CRTC1: variants seen among roughly 807,000 people sequenced by gnomAD.
CRTC1 encodes the protein CREB-regulated transcription coactivator 1.
Under a neutral mutation model 66.1 loss-of-function variants are expected in CRTC1, and 18 were observed. That is an observed-to-expected ratio of 0.27 (90% CI 0.19 to 0.40). The LOEUF (loss-of-function observed/expected upper bound fraction) is 0.40, where lower values mean the gene tolerates loss of function less well. CRTC1 is among the 10% of genes least tolerant of loss of function. CRTC1 has a pLI of 1.00. For missense variants in CRTC1, 669 were observed against 887.9 expected, an observed-to-expected ratio of 0.75 and a Z score of 3.13; for synonymous variants, 416 against 398.8, an observed-to-expected ratio of 1.04 and a Z score of -0.51.
At position 18,771,605 on chromosome 19, in the gene CRTC1, C is replaced by A; in HGVS notation, c.1425+59C>A. The A allele has an allele frequency of 1.5e-6, 2 of 1,297,226 alleles. No homozygotes were observed. Among genetic ancestry groups the A allele is most frequent in the East Asian group, 2.5e-5 (1 of 40,416 alleles). 80.4% of individuals were successfully genotyped at this position (1,297,226 alleles called of 1,614,324 possible). ...CTCCACGCTTGTCTTGTTCATGCCC[C>A]GTGTGTTCCCTGCCCACTGTCTGTC... On this transcript the variant is annotated intron_variant, in intron 11 of 13. Transcript: ENST00000321949. This position sits in a 1 kb window ranked among gnomAD's most constrained non-coding sequence, Gnocchi z 4.6.
chr19:18,751,920 G>C (rs751736193), intron 5 of CRTC1, among the ~76,000 whole-genome samples: 3 of 152,082 alleles, frequency 2.0e-5, no homozygotes, highest in Non-Finnish European at 4.4e-5. Context: ...AACACTTCGG[G>C]AGAGAGGCTG....
chr19:18,686,367 G>A (rs1320442880), intron 1 of CRTC1, among the ~76,000 whole-genome samples: 1 of 152,192 alleles, frequency 6.6e-6, no homozygotes, highest in Non-Finnish European at 1.5e-5. Flanking sequence ...AAATTCTGAG[G>A]CCAAGTGCAG....
At chr19:18,695,240 C>G (rs1174867524) in intron 1 of CRTC1, among the ~76,000 whole-genome samples, 2 of 151,782 alleles carry the variant, frequency 1.3e-5, no homozygotes, top group Admixed American at 6.6e-5. Flanking sequence ...CTCCTGGTCT[C>G]GAGACCTGCC....
chr19:18,687,115 A>C (rs1218321964), intron 1 of CRTC1, among the ~76,000 whole-genome samples: 4 of 146,182 alleles, frequency 2.7e-5, no homozygotes, highest in Non-Finnish European at 5.9e-5. Flanking sequence ...TCCCGAGTTC[A>C]AGTGATTCTC....
intron 1 of CRTC1, among the ~76,000 whole-genome samples, chr19:18,695,246 C>T (rs1396636190): frequency 6.6e-6 from 1 of 151,946 alleles, no homozygotes; most frequent in Non-Finnish European, 1.5e-5. Flanking sequence ...GTCTCGAGAC[C>T]TGCCCGCCTT....
chr19:18,764,168 C>T (rs1037650949), intron 8 of CRTC1, among the ~76,000 whole-genome samples: 4 of 152,218 alleles, frequency 2.6e-5, no homozygotes, highest in Non-Finnish European at 2.9e-5. Context: ...CGGCGCTTGT[C>T]GGGTGTGTTC....
chr19:18,713,759 G>T (rs189056250), intron 1 of CRTC1, among the ~76,000 whole-genome samples: 1 of 152,378 alleles, frequency 6.6e-6, no homozygotes, highest in East Asian at 1.9e-4. Context: ...AGTATATGAA[G>T]TGGCGTGCCC....
At chr19:18,705,405 C>T (rs1389399474) in intron 1 of CRTC1, among the ~76,000 whole-genome samples, 1 of 152,214 alleles carries the variant, frequency 6.6e-6, no homozygotes, top group African/African-American at 2.4e-5. Context: ...ACCACATCCT[C>T]TGCCTCCTGG....
At position 18,703,947 on chromosome 19, in the gene CRTC1, T is replaced by G. The variant is rs143074077; in HGVS notation, c.126+20119T>G. On this transcript the variant is annotated intron_variant, in intron 1 of 13. Transcript: ENST00000321949. ...CTCCTTTGATTCCTCCAATCTGTGATGGTTCCTCAATGTCTCCTCATCATC... is the reference window on the plus strand; with the variant it reads ...CTCCTTTGATTCCTCCAATCTGTGAGGGTTCCTCAATGTCTCCTCATCATC... Among the ~76,000 whole-genome samples, 757 of 152,286 alleles carry G rather than the reference T, an allele frequency of 5.0e-3. 7 individuals are homozygous for G. Among genetic ancestry groups the G allele is most frequent in the African/African-American group, 0.017 (697 of 41,554 alleles).
Position 18,745,939 on chromosome 19 carries a change from A to C in CRTC1, c.360A>C (p.Ser120=), listed in dbSNP as rs1225136613. 6.2e-7 allele frequency: 1 copy of C among 1,612,006 alleles called. No homozygotes were observed. Among genetic ancestry groups the C allele is most frequent in the African/African-American group, 1.3e-5 (1 of 74,900 alleles). ...GCTCCCCACACCGCCGGCCCCTGTCAGTGGACAAACACGGACGGCAGATAT... is the reference window on the plus strand; with the variant it reads ...GCTCCCCACACCGCCGGCCCCTGTCCGTGGACAAACACGGACGGCAGATAT... ...RLGSPHRRPL[S]VDKHGRQADS... is the part of the protein sequence containing the mutation. Residue 120 remains serine (S), a synonymous_variant, in exon 3 of 14, where the codon TCA becomes TCC. Coordinates refer to ENST00000321949, the MANE Select transcript of CRTC1 (RefSeq NM_015321.3).
chr19:18,726,118 G>A (rs911396723), intron 1 of CRTC1, among the ~76,000 whole-genome samples: 26 of 152,244 alleles, frequency 1.7e-4, no homozygotes, highest in Non-Finnish European at 2.9e-4. Context: ...ACATCTTTGC[G>A]CATAAATCTG....
At chr19:18,727,471 T>C (rs997233663) in intron 1 of CRTC1, among the ~76,000 whole-genome samples, 7 of 145,936 alleles carry the variant, frequency 4.8e-5, no homozygotes, top group Non-Finnish European at 7.5e-5. Flanking sequence ...GTCCCAGCTA[T>C]GTGGGAGGCT....
chr19:18,755,133 C>A (rs534282307), intron 6 of CRTC1, among the ~76,000 whole-genome samples: 1 of 151,494 alleles, frequency 6.6e-6, no homozygotes, highest in African/African-American at 2.4e-5. Flanking sequence ...GGGTCACAGG[C>A]GTGTGCCACC....
chr19:18,741,424 C>T lies in CRTC1; in HGVS notation c.127-1486C>T, dbSNP rs1217907226. Among the ~76,000 whole-genome samples the T allele has an allele frequency of 6.6e-6, 1 of 152,206 alleles. No individual in the cohort carries two copies. Among genetic ancestry groups the T allele is most frequent in the African/African-American group, 2.4e-5 (1 of 41,436 alleles). On this transcript the variant is annotated intron_variant, in intron 1 of 13. Transcript: ENST00000321949. This position sits in a 1 kb window ranked among gnomAD's most constrained non-coding sequence, Gnocchi z 4.2. ...TCGGGGACACAGGTCCAGGAGGGGT[C>T]ACAGCCTTTAGGGCCATATAGTCAG...
In CRTC1 at chr19:18,747,106, C is replaced by G; in HGVS notation, c.435C>G (p.Ser145Arg). ...TMYLSPPADT[S>R]WRRTNSDSAL... ...ACCTCTCACCACCCGCGGACACCAG[C>G]TGGAGAAGGTCAGTGGCTGGACACC... is the stretch of plus-strand genomic sequence containing the variant. Residue 145 changes from serine to arginine, a missense_variant, in exon 4 of 14, where the codon AGC (serine) becomes AGG (arginine). Physicochemically the swap from Ser to Arg is moderately radical, Grantham distance 110 (BLOSUM62 -1). Around this residue, in one of 8 missense-constraint regions of CRTC1, gnomAD observed 214 missense variants for 323.4 expected, o/e 0.66. Transcript: ENST00000321949. The G allele has an allele frequency of 6.2e-7, 1 of 1,609,312 alleles. No homozygotes were observed. The highest frequency in any genetic ancestry group is 8.5e-7 in the Non-Finnish European group (1 of 1,178,394).
At chr19:18,731,261 G>T (rs538759057) in intron 1 of CRTC1, among the ~76,000 whole-genome samples, 29 of 152,340 alleles carry the variant, frequency 1.9e-4, no homozygotes, top group Admixed American at 7.8e-4. Flanking sequence ...AGTCAGCGTG[G>T]CTGGTTCCTC....
In CRTC1 at chr19:18,779,947, G is replaced by A. The variant is rs530080193; in HGVS notation, c.*2565G>A. 29 of 229,266 alleles carry A rather than the reference G, an allele frequency of 1.3e-4. No individual in the cohort carries two copies. The highest frequency in any genetic ancestry group is 3.6e-4 in the South Asian group (2 of 5,482). The allele number at this position is 229,266 out of a possible 1,614,324, so 14.2% of individuals were successfully genotyped here. On this transcript the variant is annotated 3_prime_UTR_variant, in exon 14 of 14. Transcript: ENST00000321949. Reference sequence around the variant, plus strand: ...ATTCACGCCCCTCCTGGACCTGGGCGGGCCTCCCAGGGGGTCTGTATCACG... The same window carrying A: ...ATTCACGCCCCTCCTGGACCTGGGCAGGCCTCCCAGGGGGTCTGTATCACG...
chr19:18,730,320 G>A (rs898188415), intron 1 of CRTC1, among the ~76,000 whole-genome samples: 1 of 152,074 alleles, frequency 6.6e-6, no homozygotes, highest in African/African-American at 2.4e-5. Context: ...GTCCCAGGCA[G>A]GGGGCGCCTG....
Position 18,777,633 on chromosome 19 carries a change from C to T in CRTC1, c.*251C>T. ...GATCGGAGGCCGTGAGCCTCCCGCCCCTGCAGACCCTCCCTGCACTGGCTC... is the reference window on the plus strand; with the variant it reads ...GATCGGAGGCCGTGAGCCTCCCGCCTCTGCAGACCCTCCCTGCACTGGCTC... On this transcript the variant is annotated 3_prime_UTR_variant, in exon 14 of 14. Transcript: ENST00000321949. The surrounding 1 kb of genome is among the most constrained non-coding windows in gnomAD (Gnocchi z 5.5). The T allele has an allele frequency of 3.9e-6, 2 of 509,230 alleles. No homozygotes were observed. The highest frequency in any genetic ancestry group is 2.3e-5 in the South Asian group (1 of 43,986). The allele number at this position is 509,230 out of a possible 1,614,324, so 31.5% of individuals were successfully genotyped here. A position where few individuals can be genotyped will look rare whatever the true frequency, so the allele number is the denominator to read the frequency against.
Sources: allele counts gnomAD v4.1 joint callset (sites outside exome capture counted in the v4.1 genomes callset), GRCh38; gene constraint gnomAD v4.1.1; regional missense constraint gnomAD v4.1.1; non-coding constraint Gnocchi (gnomAD v3.1); transcripts MANE v1.5; gene names NCBI Gene and HGNC (gene_info 2026-07-23, HGNC 2026-07-21).